CATSPERB: variants seen among roughly 807,000 people sequenced by gnomAD.
CATSPERB encodes the protein cation channel sperm-associated auxiliary subunit beta.
In CATSPERB, 93 loss-of-function variants were observed where a neutral mutation model predicts 128.3. That is an observed-to-expected ratio of 0.72 (90% CI 0.61 to 0.86). The LOEUF is 0.86. Ranked by LOEUF, CATSPERB falls within the 40% of genes least tolerant of loss-of-function variation. The pLI is 0.00. For synonymous variants in CATSPERB, 381 were observed against 448.8 expected, an observed-to-expected ratio of 0.85 and a Z score of 1.91; for missense variants, 1,153 against 1,329.5, an observed-to-expected ratio of 0.87 and a Z score of 2.06.
intron 17 of CATSPERB, among the ~76,000 whole-genome samples, chr14:91,632,772 C>T (rs922300807): frequency 2.6e-5 from 4 of 151,796 alleles, no homozygotes; most frequent in African/African-American, 9.7e-5. Context: ...CAGAACACCC[C>T]AAAATATCTG....
intron 14 of CATSPERB, among the ~76,000 whole-genome samples, chr14:91,662,256 CATA>C (rs1395294888): frequency 6.6e-6 from 1 of 152,078 alleles, no homozygotes; most frequent in Admixed American, 6.6e-5. Flanking sequence ...GTTTAAATAA[CATA>C]ATGCTTAATT....
At chr14:91,641,593 G>C (rs1219483275) in intron 15 of CATSPERB, among the ~76,000 whole-genome samples, 1 of 147,036 alleles carries the variant, frequency 6.8e-6, no homozygotes, top group East Asian at 2.0e-4. Context: ...CCAGTACCAT[G>C]CTGTTTTGGT....
intron 15 of CATSPERB, among the ~76,000 whole-genome samples, chr14:91,654,829 C>G (rs988989535): frequency 9.9e-5 from 15 of 152,162 alleles, no homozygotes; most frequent in African/African-American, 3.6e-4. Flanking sequence ...CTGGGTTTGA[C>G]CCAGTGCAGT....
intron 14 of CATSPERB, among the ~76,000 whole-genome samples, chr14:91,665,968 AG>A (rs547545032): frequency 5.1e-4 from 78 of 152,316 alleles, no homozygotes; most frequent in African/African-American, 1.6e-3. Context: ...GGAAGGAACC[AG>A]GTGGAAGTGA....
At chr14:91,721,504 C>A (rs1036263408) in intron 4 of CATSPERB, among the ~76,000 whole-genome samples, 1 of 151,976 alleles carries the variant, frequency 6.6e-6, no homozygotes, top group Non-Finnish European at 1.5e-5. Flanking sequence ...AAATTAAAAT[C>A]AAAATGATAA....
At position 91,621,907 on chromosome 14, in the gene CATSPERB, ATATCTG is replaced by A. The variant is rs755689958; in HGVS notation, c.1955_1960del (p.Thr652_Asp653del). 4 of 1,606,674 alleles carry A rather than the reference ATATCTG, an allele frequency of 2.5e-6. No homozygotes were observed. On this transcript the variant is annotated inframe_deletion, in exon 19 of 27. Coordinates refer to ENST00000256343, the MANE Select transcript of CATSPERB (RefSeq NM_024764.4). ...CCCGGGAAGCACTACAGTCTTCTCTATATCTGTATCTTCAAACAAGGCCTGAACAAC... is the reference window on the plus strand; with the variant it reads ...CCCGGGAAGCACTACAGTCTTCTCTATATCTTCAAACAAGGCCTGAACAAC...
At chr14:91,599,334 C>T (rs1191727583) in intron 22 of CATSPERB, among the ~76,000 whole-genome samples, 3 of 151,918 alleles carry the variant, frequency 2.0e-5, no homozygotes, top group African/African-American at 7.3e-5. Flanking sequence ...CCGAGGCGGG[C>T]GGATCACGAA....
chr14:91,601,986 TTACA>T (rs1370238608), intron 22 of CATSPERB, among the ~76,000 whole-genome samples: 2 of 152,158 alleles, frequency 1.3e-5, no homozygotes, highest in African/African-American at 4.8e-5. Flanking sequence ...TATTTCACAC[TTACA>T]TAAAGTATAA....
intron 22 of CATSPERB, chr14:91,604,430 G>T: frequency 7.6e-7 from 1 of 1,308,646 alleles, no homozygotes; most frequent in Non-Finnish European, 1.1e-6. Flanking sequence ...CATGTTCGTG[G>T]AGTAGTTTAG....
intron 4 of CATSPERB, among the ~76,000 whole-genome samples, chr14:91,722,335 C>T (rs1896049051): frequency 1.3e-5 from 2 of 152,156 alleles, no homozygotes; most frequent in African/African-American, 4.8e-5. Flanking sequence ...GGTATTTATA[C>T]AATGCGATAT....
chr14:91,603,084 A>T (rs1259343341), intron 22 of CATSPERB: 12 of 786,140 alleles, frequency 1.5e-5, no homozygotes, highest in Non-Finnish European at 2.8e-5. Flanking sequence ...GCTTTTTTAC[A>T]TTTATTTCTT....
intron 9 of CATSPERB, 129 bp from the exon 10 acceptor site, chr14:91,691,684 A>G: frequency 1.6e-6 from 1 of 633,288 alleles, no homozygotes; most frequent in Non-Finnish European, 2.6e-6. Context: ...ACTAAATTAT[A>G]TGTTTTTTCT....
intron 17 of CATSPERB, chr14:91,636,002 T>C (rs12895615): frequency 0.54 from 84,343 of 155,710 alleles, 23,292 homozygotes; most frequent in East Asian, 0.71. Flanking sequence ...TTTGGCCTTG[T>C]GGGGTGTCAA....
chr14:91,609,854 G>A (rs912035220), intron 21 of CATSPERB, among the ~76,000 whole-genome samples: 1 of 152,122 alleles, frequency 6.6e-6, no homozygotes, highest in Non-Finnish European at 1.5e-5. Flanking sequence ...CCGAGTAGCT[G>A]GGATTACAGG....
intron 22 of CATSPERB, chr14:91,605,051 T>C: frequency 8.4e-7 from 1 of 1,194,952 alleles, no homozygotes; most frequent in Non-Finnish European, 1.3e-6. Flanking sequence ...GAATGGGACC[T>C]TGTCTTCCTT....
At chr14:91,638,954 C>T in intron 16 of CATSPERB, 142 bp downstream of exon 16, 1 of 668,780 alleles carries the variant, frequency 1.5e-6, no homozygotes, top group Non-Finnish European at 2.5e-6. Context: ...CATGGAGGTT[C>T]TTCCTTTAGT....
chr14:91,729,006 A>G (rs1896165271), intron 2 of CATSPERB, among the ~76,000 whole-genome samples: 1 of 152,200 alleles, frequency 6.6e-6, no homozygotes, highest in East Asian at 1.9e-4. Flanking sequence ...AGCAATTTGT[A>G]AGTTTTACAT....
intron 17 of CATSPERB, among the ~76,000 whole-genome samples, chr14:91,628,207 T>C (rs1894205013): frequency 6.6e-6 from 1 of 152,188 alleles, no homozygotes; most frequent in Admixed American, 6.5e-5. Context: ...GGCTTGAACT[T>C]GAGATCCTCC....
At chr14:91,605,332 G>C (rs1302814735) in intron 22 of CATSPERB, 1 of 715,848 alleles carries the variant, frequency 1.4e-6, no homozygotes, top group Admixed American at 2.3e-5. Flanking sequence ...TATTATTGGG[G>C]AAGAGGAGGA....
Sources: gnomAD v4.1 joint callset for allele counts (sites outside exome capture counted in the v4.1 genomes callset) on GRCh38, gnomAD v4.1.1 for gene constraint, MANE v1.5 for transcripts, NCBI Gene and HGNC (gene_info 2026-07-23, HGNC 2026-07-21) for gene names.